The following STX8 variants were observed in gnomAD, a reference collection of about 807,000 sequenced individuals.
STX8 encodes the protein syntaxin-8.
Under a neutral mutation model 37.5 loss-of-function variants are expected in STX8, and 23 were observed. That is an observed-to-expected ratio of 0.61 (90% CI 0.44 to 0.87). The LOEUF is 0.87. Among genes scored for constraint, STX8 ranks in the 40% least tolerant of loss-of-function variants. The pLI, the probability that STX8 is intolerant of heterozygous loss-of-function variation, is 0.00. For missense variants in STX8, 313 were observed against 284.7 expected, an observed-to-expected ratio of 1.10 and a Z score of -0.71; for synonymous variants, 115 against 99.1, an observed-to-expected ratio of 1.16 and a Z score of -0.95.
chr17:9,286,343 C>T (rs902639621), intron 7 of STX8, among the ~76,000 whole-genome samples: 1 of 152,192 alleles, frequency 6.6e-6, no homozygotes, highest in East Asian at 1.9e-4. Context: ...GCACAACACA[C>T]ACAATTATTT....
chr17:9,497,264 C>T (rs1904441820), intron 5 of STX8, among the ~76,000 whole-genome samples: 1 of 152,140 alleles, frequency 6.6e-6, no homozygotes, highest in African/African-American at 2.4e-5. Flanking sequence ...AATTGAACTA[C>T]CTAAAAGAAA....
intron 6 of STX8, among the ~76,000 whole-genome samples, chr17:9,483,229 C>T (rs1906421893): frequency 6.6e-6 from 1 of 151,980 alleles, no homozygotes; most frequent in African/African-American, 2.4e-5. Flanking sequence ...TGGCTTTATT[C>T]CAGCTTTTAG....
rs140380503 is a variant in STX8 at position 9,280,330 on chromosome 17, C to G, written c.644-29685G>C. 5.9e-3 allele frequency among the ~76,000 whole-genome samples: 901 copies of G among 152,276 alleles called. 7 individuals are homozygous for G. The highest frequency in any genetic ancestry group is 0.021 in the African/African-American group (865 of 41,552). On this transcript the variant is annotated intron_variant, in intron 7 of 7. Transcript: ENST00000306357. ...ATCCCAGATCTTTGGGAGACCAAGG[C>G]GGGTGGATCACTTAAAGTCAGGAGA...
At chr17:9,354,780 A>T (rs904704829) in intron 7 of STX8, among the ~76,000 whole-genome samples, 1 of 152,074 alleles carries the variant, frequency 6.6e-6, no homozygotes, top group Non-Finnish European at 1.5e-5. Flanking sequence ...ACGCAGGAAA[A>T]CATACCATCT....
chr17:9,526,552 A>T (rs1905577633), intron 4 of STX8, among the ~76,000 whole-genome samples: 1 of 151,406 alleles, frequency 6.6e-6, no homozygotes, highest in Non-Finnish European at 1.5e-5. Context: ...AATTTCTTAA[A>T]AATTTTTACT....
intron 5 of STX8, among the ~76,000 whole-genome samples, chr17:9,504,703 G>A (rs969400597): frequency 6.6e-6 from 1 of 152,112 alleles, no homozygotes; most frequent in Admixed American, 6.6e-5. Flanking sequence ...GGCCGGGCAC[G>A]GTGGCTCACA....
At chr17:9,422,107 T>TG (rs1053408174) in intron 6 of STX8, among the ~76,000 whole-genome samples, 14 of 145,922 alleles carry the variant, frequency 9.6e-5, no homozygotes, top group African/African-American at 3.6e-4. Context: ...GGGTAGTAGT[T>TG]TTTTTTTTTT....
chr17:9,431,262 G>T (rs72816200), intron 6 of STX8, among the ~76,000 whole-genome samples: 27,341 of 146,220 alleles, frequency 0.19, 3,358 homozygotes, highest in East Asian at 0.58. Context: ...GTAGAGATGG[G>T]GTATCACCAT....
At chr17:9,459,141 T>G (rs961253766) in intron 6 of STX8, among the ~76,000 whole-genome samples, 3 of 152,118 alleles carry the variant, frequency 2.0e-5, no homozygotes, top group African/African-American at 7.2e-5. Flanking sequence ...CCACTCCAGT[T>G]ATTTTAACAG....
chr17:9,482,158 G>C (rs1906376838), intron 6 of STX8, among the ~76,000 whole-genome samples: 1 of 152,056 alleles, frequency 6.6e-6, no homozygotes, highest in Non-Finnish European at 1.5e-5. Context: ...ATTCCAGCCT[G>C]AGCAACACAG....
In STX8 at chr17:9,380,641, G is replaced by A. The variant is rs150477286; in HGVS notation, c.542-1988C>T. Among the ~76,000 whole-genome samples, 134 of 150,356 alleles carry A rather than the reference G, an allele frequency of 8.9e-4. No homozygotes were observed. The South Asian group carries it at 0.017, about 19-fold the overall frequency. ...CACATCTACGACAGTAGTACCATAA[G>A]TGGTACAGTATTATAATGTTATAAT... On this transcript the variant is annotated intron_variant, in intron 6 of 7. Transcript: ENST00000306357.
chr17:9,324,183 G>C lies in STX8; in HGVS notation c.643+54369C>G, dbSNP rs1278007759. Among the ~76,000 whole-genome samples the C allele has an allele frequency of 2.0e-5, 3 of 151,514 alleles. No homozygotes were observed. In the South Asian group the frequency reaches 6.2e-4, roughly 31 times the overall value. On this transcript the variant is annotated intron_variant, in intron 7 of 7. Transcript: ENST00000306357. The stretch of plus-strand genomic sequence containing the variant: ...ACACAAACACACACTCCAGTTGTAC[G>C]TGTATGTACAAGAAAGTCTGTGCTT...
At chr17:9,319,332 T>C (rs1023050959) in intron 7 of STX8, among the ~76,000 whole-genome samples, 5 of 152,022 alleles carry the variant, frequency 3.3e-5, no homozygotes, top group Admixed American at 3.3e-4. Flanking sequence ...GGCAGAAGAA[T>C]GGCGTGAACC....
At chr17:9,339,112 T>C (rs1342625096) in intron 7 of STX8, among the ~76,000 whole-genome samples, 1 of 143,606 alleles carries the variant, frequency 7.0e-6, no homozygotes, top group Non-Finnish European at 1.5e-5. Context: ...AGCTCTTAAA[T>C]ATGAAAGCCA....
chr17:9,353,988 C>A (rs1910796721), intron 7 of STX8, among the ~76,000 whole-genome samples: 1 of 152,164 alleles, frequency 6.6e-6, no homozygotes, highest in Non-Finnish European at 1.5e-5. Context: ...TCCTCCTCAT[C>A]AAAAGCACTC....
chr17:9,488,326 T>TTAA (rs1555531290), intron 6 of STX8, among the ~76,000 whole-genome samples: 1 of 149,148 alleles, frequency 6.7e-6, no homozygotes, highest in Non-Finnish European at 1.5e-5. Flanking sequence ...AACTCTGTCT[T>TTAA]AAAAAAAAAA....
chr17:9,494,822 G>A (rs1952380938), intron 5 of STX8, among the ~76,000 whole-genome samples: 2 of 151,808 alleles, frequency 1.3e-5, no homozygotes, highest in African/African-American at 4.8e-5. Flanking sequence ...TTGAACTGGG[G>A]GTCTCGGTCA....
chr17:9,354,436 C>T (rs12953039), intron 7 of STX8, among the ~76,000 whole-genome samples: 16,697 of 151,318 alleles, frequency 0.11, 953 homozygotes, highest in Middle Eastern at 0.18. Flanking sequence ...ATTCTCCTGC[C>T]TCGGCTTCCC....
At chr17:9,441,845 T>A (rs1792390766) in intron 6 of STX8, among the ~76,000 whole-genome samples, 2 of 151,696 alleles carry the variant, frequency 1.3e-5, no homozygotes, top group African/African-American at 4.8e-5. Flanking sequence ...CCGGCTAATT[T>A]TTTGTATTTT....
Sources: gnomAD v4.1 joint callset for allele counts (sites outside exome capture counted in the v4.1 genomes callset) on GRCh38, gnomAD v4.1.1 for gene constraint, MANE v1.5 for transcripts, NCBI Gene and HGNC (gene_info 2026-07-23, HGNC 2026-07-21) for gene names.